PCNX2: variants seen among roughly 807,000 people sequenced by gnomAD.
PCNX2 encodes the protein pecanex 2.
In PCNX2, 168 loss-of-function variants were observed where a neutral mutation model predicts 223.8. The observed-to-expected ratio is 0.75, with a 90% CI of 0.66 to 0.85. The LOEUF is 0.85. Among genes scored for constraint, PCNX2 ranks in the 40% least tolerant of loss-of-function variants. PCNX2 has a pLI of 0.00. For missense variants in PCNX2, 2,507 were observed against 2,675.5 expected, an observed-to-expected ratio of 0.94 and a Z score of 1.39; for synonymous variants, 1,006 against 1,052.6, an observed-to-expected ratio of 0.96 and a Z score of 0.86.
At chr1:232,989,717 G>C (rs1254771258) in intron 32 of PCNX2, among the ~76,000 whole-genome samples, 1 of 152,224 alleles carries the variant, frequency 6.6e-6, no homozygotes, top group African/African-American at 2.4e-5. Flanking sequence ...CTGCAAAACT[G>C]ACCAGATGCC....
Position 233,161,383 on chromosome 1 carries a change from G to C in PCNX2, c.3274-20C>G, listed in dbSNP as rs772172650. ...ATCCGTCTGGAAAGAGAAAACCAGC[G>C]GTAAAGGCGACTCTTCATTTCTCTC... is the stretch of plus-strand genomic sequence containing the variant. On this transcript the variant is annotated intron_variant, in intron 17 of 33. Transcript: ENST00000258229. 2 of 1,602,296 alleles carry C rather than the reference G, an allele frequency of 1.2e-6. No homozygotes were observed. The highest frequency in any genetic ancestry group is 8.5e-7 in the Non-Finnish European group (1 of 1,170,390).
At chr1:233,247,822 G>A (rs1322031220) in intron 8 of PCNX2, among the ~76,000 whole-genome samples, 1 of 145,788 alleles carries the variant, frequency 6.9e-6, no homozygotes, top group African/African-American at 2.6e-5. Context: ...AGGTTGCAGT[G>A]AGCCAAGATT....
At chr1:233,034,693 T>C (rs190678716) in intron 25 of PCNX2, among the ~76,000 whole-genome samples, 556 of 152,190 alleles carry the variant, frequency 3.7e-3, no homozygotes, top group Non-Finnish European at 6.6e-3. Context: ...CGAAGAATGG[T>C]TGCCTGAACA....
At chr1:233,073,790 A>AT (rs930939441) in intron 23 of PCNX2, among the ~76,000 whole-genome samples, 5 of 151,692 alleles carry the variant, frequency 3.3e-5, no homozygotes, top group African/African-American at 7.3e-5. Flanking sequence ...TTTAAAAAAA[A>AT]TTTTTTGAAG....
chr1:233,227,914 T>G (rs758147968), intron 9 of PCNX2, among the ~76,000 whole-genome samples: 2 of 152,042 alleles, frequency 1.3e-5, no homozygotes, highest in Non-Finnish European at 2.9e-5. Context: ...TAGACCCAGA[T>G]AGTAAAAGTT....
chr1:233,022,424 G>A (rs1670923629), intron 26 of PCNX2, among the ~76,000 whole-genome samples: 1 of 152,202 alleles, frequency 6.6e-6, no homozygotes, highest in Non-Finnish European at 1.5e-5. Context: ...GAGGAATGCT[G>A]GGCATGGCCC....
At chr1:233,194,980 G>A (rs529532665) in intron 15 of PCNX2, among the ~76,000 whole-genome samples, 59 of 142,078 alleles carry the variant, frequency 4.2e-4, no homozygotes, top group African/African-American at 1.1e-3. Flanking sequence ...TCACGCTGCC[G>A]CACTCCAGCC....
In PCNX2 at chr1:233,007,564, G is replaced by A. The variant is rs183624577; in HGVS notation, c.4953-5883C>T. 2.5e-3 allele frequency among the ~76,000 whole-genome samples: 382 copies of A among 152,180 alleles called. 1 individual carries two copies. Among genetic ancestry groups the A allele is most frequent in the South Asian group, 6.6e-3 (32 of 4,814 alleles). Reference sequence around the variant, plus strand: ...TTTTTATTTATTTTTTTGAGACGGAGTCTCTCTCTGTTGCCCAGGCTGGAG... The same window carrying A: ...TTTTTATTTATTTTTTTGAGACGGAATCTCTCTCTGTTGCCCAGGCTGGAG... On this transcript the variant is annotated intron_variant, in intron 28 of 33. Coordinates refer to ENST00000258229, the MANE Select transcript of PCNX2 (RefSeq NM_014801.4).
chr1:233,097,887 A>C (rs1358777502), intron 21 of PCNX2, among the ~76,000 whole-genome samples: 1 of 152,190 alleles, frequency 6.6e-6, no homozygotes, highest in Non-Finnish European at 1.5e-5. Flanking sequence ...GAACACATCA[A>C]GTGCCCAAGA....
chr1:233,255,187 A>G (rs1659664994), intron 5 of PCNX2, among the ~76,000 whole-genome samples: 1 of 152,052 alleles, frequency 6.6e-6, no homozygotes, highest in Non-Finnish European at 1.5e-5. Flanking sequence ...CCCCCATAAT[A>G]ATTAGCCCGA....
chr1:233,319,587 A>G, the PCNX2 span, among the ~76,000 whole-genome samples: 4 of 152,348 alleles, frequency 2.6e-5, no homozygotes, highest in African/African-American at 9.6e-5. Flanking sequence ...TCTTTCTTAA[A>G]TGACCCAGCT....
chr1:233,134,957 G>C, intron 21 of PCNX2, 56 bp downstream of exon 21: 1 of 1,389,470 alleles, frequency 7.2e-7, no homozygotes. Context: ...TAAAACATTT[G>C]ATAAGAACAG....
In PCNX2 at chr1:233,160,401, A is replaced by G; in HGVS notation, c.3399T>C (p.Ala1133=). 6.2e-7 allele frequency: 1 copy of G among 1,613,832 alleles called. No homozygotes were observed. The highest frequency in any genetic ancestry group is 8.5e-7 in the Non-Finnish European group (1 of 1,179,742). The change falls in exon 19 of 34, where the codon GCT becomes GCC. Residue 1133 remains alanine, a synonymous_variant. Transcript: ENST00000258229. The part of the protein sequence containing the change: ...PFLSIVLFAL[A]GAVGFVTHYV... ...AATGTGTTACAAACCCCACGGCTCC[A>G]GCCAAGGCAAACAGCACGATGCTGA...
intron 23 of PCNX2, among the ~76,000 whole-genome samples, chr1:233,075,739 A>ACACACACACAC (rs1553282226): frequency 6.7e-6 from 1 of 149,328 alleles, no homozygotes; most frequent in East Asian, 2.0e-4. Flanking sequence ...ACACACACAC[A>ACACACACACAC]ACAGAAAAGA....
At chr1:232,997,557 T>A (rs978041674) in intron 32 of PCNX2, among the ~76,000 whole-genome samples, 2 of 152,194 alleles carry the variant, frequency 1.3e-5, no homozygotes, top group Non-Finnish European at 2.9e-5. Flanking sequence ...AGAGCATCCA[T>A]CTCTTTCATG....
At chr1:233,311,449 A>T in the PCNX2 span, among the ~76,000 whole-genome samples, 1 of 152,258 alleles carries the variant, frequency 6.6e-6, no homozygotes, top group South Asian at 2.1e-4. Flanking sequence ...GTTTGTTTAT[A>T]TGTGTTGCCA....
rs1251200048 is a variant in PCNX2, at chr1:232,999,360, C to T, written c.5348G>A (p.Arg1783Gln). 11 of 1,595,616 alleles carry T rather than the reference C, an allele frequency of 6.9e-6. No homozygotes were observed. The highest frequency in any genetic ancestry group is 9.4e-6 in the Non-Finnish European group (11 of 1,171,256). The stretch of plus-strand genomic sequence containing the variant: ...CTGCTGCTGCCCGGCCCAAAGTCCT[C>T]GGACGCATTCTTTGTTAACCTGCAG... ...KVIKVNKECVRGLWAGQQQEL... is the reference protein window; with the variant it reads ...KVIKVNKECVQGLWAGQQQEL... Residue 1783 changes from arginine (R) to glutamine (Q), a missense_variant, in exon 31 of 34, where the codon CGA becomes CAA. This residue lies in a region of PCNX2 where 1,372 missense variants were observed against 1,509.4 expected (regional missense o/e 0.91). Coordinates refer to ENST00000258229, the MANE Select transcript of PCNX2 (RefSeq NM_014801.4).
chr1:233,237,552 CTTAAA>C (rs1490943025), intron 8 of PCNX2, among the ~76,000 whole-genome samples: 1 of 152,188 alleles, frequency 6.6e-6, no homozygotes, highest in Admixed American at 6.5e-5. Flanking sequence ...ATTGACAAGA[CTTAAA>C]TTAATAGTAA....
intron 21 of PCNX2, among the ~76,000 whole-genome samples, chr1:233,133,385 A>G (rs1676617275): frequency 6.6e-6 from 1 of 152,208 alleles, no homozygotes; most frequent in Non-Finnish European, 1.5e-5. Flanking sequence ...AAAATGGGAT[A>G]AGTTAATCAG....
Sources: allele counts gnomAD v4.1 joint callset (sites outside exome capture counted in the v4.1 genomes callset), GRCh38; gene constraint gnomAD v4.1.1; regional missense constraint gnomAD v4.1.1; transcripts MANE v1.5; gene names NCBI Gene and HGNC (gene_info 2026-07-23, HGNC 2026-07-21).